ATP13A3: variants seen among roughly 807,000 people sequenced by gnomAD.
ATP13A3 encodes the protein ATPase 13A3.
Under a neutral mutation model 158.1 loss-of-function variants are expected in ATP13A3, and 59 were observed. The ratio of observed to expected loss-of-function variants is 0.37; its 90% CI spans 0.30 to 0.46. The LOEUF (loss-of-function observed/expected upper bound fraction) is 0.46, where lower values mean the gene tolerates loss of function less well. Among genes scored for constraint, ATP13A3 ranks in the 20% least tolerant of loss-of-function variants. The pLI, the probability that ATP13A3 is intolerant of heterozygous loss-of-function variation, is 1.00. For missense variants in ATP13A3, 1,166 were observed against 1,525.2 expected, an observed-to-expected ratio of 0.76 and a Z score of 3.92; for synonymous variants, 491 against 504.3, an observed-to-expected ratio of 0.97 and a Z score of 0.35.
intron 31 of ATP13A3, 88 bp downstream of exon 31, chr3:194,419,791 G>A: frequency 1.3e-6 from 2 of 1,502,512 alleles, no homozygotes; most frequent in Non-Finnish European, 8.8e-7. Flanking sequence ...CAGCATCTTA[G>A]AATACACAAA....
At chr3:194,455,415 A>G (rs934143649) in intron 8 of ATP13A3, among the ~76,000 whole-genome samples, 3 of 152,200 alleles carry the variant, frequency 2.0e-5, no homozygotes, top group Admixed American at 1.3e-4. Context: ...ACTTATTCCA[A>G]GTTTATAGGT....
intron 17 of ATP13A3, 47 bp downstream of exon 17, chr3:194,438,803 AATAAAT>A: frequency 8.2e-7 from 1 of 1,221,570 alleles, no homozygotes; most frequent in Non-Finnish European, 1.1e-6. Flanking sequence ...AAAAATTAAA[AATAAAT>A]ATAAGTAACC....
At chr3:194,459,741 G>A (rs1228642271) in intron 5 of ATP13A3, 48 bp downstream of exon 5, 1 of 1,548,024 alleles carries the variant, frequency 6.5e-7, no homozygotes, top group African/African-American at 1.4e-5. Context: ...AGCATAAAAT[G>A]TAACAATTCT....
chr3:194,483,303 A>G (rs1720830143), intron 2 of ATP13A3, among the ~76,000 whole-genome samples: 2 of 150,618 alleles, frequency 1.3e-5, no homozygotes, highest in Non-Finnish European at 3.0e-5. Flanking sequence ...AAAAAAAGAA[A>G]AAAGGACGGG....
In ATP13A3 at chr3:194,429,691, G is replaced by A; in HGVS notation, c.2861C>T (p.Thr954Ile). ...LYSIIQYFSV[T>I]LLYSILSNLG... ...GTTAATACTCACAGAATACAGCAGA[G>A]TAACACTGAAGTACTGGATAATGCT... Residue 954 changes from threonine (T) to isoleucine (I), a missense_variant, in exon 27 of 34, where the codon ACT becomes ATT. Coordinates refer to ENST00000645319, the MANE Select transcript of ATP13A3 (RefSeq NM_001367549.1). The A allele has an allele frequency of 6.2e-7, 1 of 1,609,724 alleles. No homozygotes were observed. The highest frequency in any genetic ancestry group is 1.1e-5 in the South Asian group (1 of 90,882).
chr3:194,410,331 A>ACAAAAAAAAC lies in ATP13A3; in HGVS notation c.3573+1867_3573+1868insGTTTTTTTTG, dbSNP rs1553794196. On this transcript the variant is annotated intron_variant, in intron 33 of 33. Transcript: ENST00000645319. ...AAAAAAAAAAAAAAAAAAAAAAAAAACTGCTGGGCCTGGGATGGCATGCAC... is the reference window on the plus strand; with the variant it reads ...AAAAAAAAAAAAAAAAAAAAAAAAAACAAAAAAAACCTGCTGGGCCTGGGATGGCATGCAC... 2.4e-4 allele frequency among the ~76,000 whole-genome samples: 32 copies of ACAAAAAAAAC among 133,048 alleles called. 1 individual carries two copies. Among genetic ancestry groups the ACAAAAAAAAC allele is most frequent in the African/African-American group, 8.9e-4 (31 of 34,902 alleles). The allele number at this position is 133,048 out of a possible 152,430, so 87.3% of individuals were successfully genotyped here.
chr3:194,456,273 C>G (rs1285522309), intron 7 of ATP13A3, among the ~76,000 whole-genome samples: 1 of 151,846 alleles, frequency 6.6e-6, no homozygotes, highest in African/African-American at 2.4e-5. Context: ...TAGATCTTAA[C>G]AATTTTGAAT....
intron 2 of ATP13A3, among the ~76,000 whole-genome samples, chr3:194,475,538 G>A (rs56796284): frequency 0.044 from 6,640 of 152,130 alleles, 362 homozygotes; most frequent in African/African-American, 0.13. Flanking sequence ...CGCTAACCCA[G>A]CATAGACAAT....
intron 2 of ATP13A3, among the ~76,000 whole-genome samples, chr3:194,471,720 T>C (rs1437668085): frequency 6.6e-6 from 1 of 152,226 alleles, no homozygotes; most frequent in Non-Finnish European, 1.5e-5. Flanking sequence ...GGTTCTTTAC[T>C]ACATTACAAC....
chr3:194,461,065 T>A (rs185994216), intron 3 of ATP13A3, among the ~76,000 whole-genome samples: 1 of 152,360 alleles, frequency 6.6e-6, no homozygotes. Flanking sequence ...ATTTAATTTA[T>A]GCCTAATACG....
chr3:194,409,693 ATTT>A lies in ATP13A3; in HGVS notation c.3573+2503_3573+2505del, dbSNP rs71179358. On this transcript the variant is annotated intron_variant, in intron 33 of 33. Transcript: ENST00000645319. Reference sequence around the variant, plus strand: ...TGCTTGATAATCACTGACGTAAAGAATTTTTTTTTTTTTTTTTTTTTTTTTTTG... The same window carrying A: ...TGCTTGATAATCACTGACGTAAAGAATTTTTTTTTTTTTTTTTTTTTTTTG... Among the ~76,000 whole-genome samples the A allele has an allele frequency of 3.5e-4, 33 of 93,996 alleles. No homozygotes were observed. In the South Asian group the frequency reaches 3.6e-3, roughly 10 times the overall value. The allele number at this position is 93,996 out of a possible 152,430, so 61.7% of individuals were successfully genotyped here.
chr3:194,466,576 A>C (rs1720002893), intron 2 of ATP13A3, among the ~76,000 whole-genome samples: 1 of 152,252 alleles, frequency 6.6e-6, no homozygotes. Flanking sequence ...TGAGTTTGAT[A>C]ACTGCTAAAG....
intron 2 of ATP13A3, among the ~76,000 whole-genome samples, chr3:194,473,194 C>A (rs1015617923): frequency 6.6e-6 from 1 of 152,100 alleles, no homozygotes; most frequent in East Asian, 1.9e-4. Flanking sequence ...CAGTGGAGAT[C>A]GTGACATGGA....
At chr3:194,466,878 C>A (rs1049716538) in intron 2 of ATP13A3, among the ~76,000 whole-genome samples, 3 of 152,150 alleles carry the variant, frequency 2.0e-5, no homozygotes, top group African/African-American at 7.2e-5. Flanking sequence ...AGCTTTTAGA[C>A]AGAAGAAAAC....
chr3:194,425,317 A>T (rs1716684949), intron 30 of ATP13A3, 25 bp downstream of exon 30: 2 of 1,595,128 alleles, frequency 1.3e-6, no homozygotes, highest in Non-Finnish European at 1.7e-6. Context: ...AGCAGGGTGG[A>T]AATCACAATA....
chr3:194,487,994 A>AC (rs1394443892), upstream of ATP13A3: 1 of 152,056 alleles, frequency 6.6e-6, no homozygotes, highest in African/African-American at 2.4e-5. Context: ...ATGACATCTC[A>AC]CCAGGGGCAG....
At chr3:194,412,158 A>T in intron 33 of ATP13A3, 41 bp downstream of exon 33, 1 of 1,439,620 alleles carries the variant, frequency 6.9e-7, no homozygotes, top group Non-Finnish European at 9.4e-7. Flanking sequence ...CAGAGAGCCT[A>T]GAGAGGCAGC....
chr3:194,428,478 T>C (rs1179592775), intron 28 of ATP13A3, among the ~76,000 whole-genome samples: 4 of 152,138 alleles, frequency 2.6e-5, no homozygotes, highest in African/African-American at 9.7e-5. Flanking sequence ...TTGACACAAA[T>C]GACAAAACCT....
chr3:194,435,803 A>G (rs1717590344), intron 20 of ATP13A3, among the ~76,000 whole-genome samples: 1 of 152,232 alleles, frequency 6.6e-6, no homozygotes, highest in African/African-American at 2.4e-5. Flanking sequence ...GCTACTCAGG[A>G]GGCTGAGGAA....
Sources: allele counts gnomAD v4.1 joint callset (sites outside exome capture counted in the v4.1 genomes callset), GRCh38; gene constraint gnomAD v4.1.1; transcripts MANE v1.5; gene names NCBI Gene and HGNC (gene_info 2026-07-23, HGNC 2026-07-21).